PRKG2: variants seen among roughly 807,000 people sequenced by gnomAD.
PRKG2 encodes the protein protein kinase cGMP-dependent 2, also known as cGMP-dependent protein kinase 2.
PRKG2 carries 33 observed loss-of-function variants against 97.2 expected under a neutral mutation model. The observed-to-expected ratio is 0.34, with a 90% confidence interval of 0.26 to 0.45. The LOEUF (loss-of-function observed/expected upper bound fraction) is 0.45, where lower values mean the gene tolerates loss of function less well. Among genes scored for constraint, PRKG2 ranks in the 20% least tolerant of loss-of-function variants. The pLI, the probability that PRKG2 is intolerant of heterozygous loss-of-function variation, is 1.00. For synonymous variants in PRKG2, 330 were observed against 321.8 expected (o/e 1.03, Z -0.27); for missense variants, 638 against 900.0 (o/e 0.71, Z 3.73).
intron 12 of PRKG2, among the ~76,000 whole-genome samples, chr4:81,139,611 GAA>G (rs11372286): frequency 2.2e-5 from 3 of 136,716 alleles, no homozygotes; most frequent in Non-Finnish European, 3.2e-5. Context: ...ACTAAAAATA[GAA>G]AAAAAAAAAA....
At chr4:81,100,436 C>G (rs1001574483) in intron 17 of PRKG2, among the ~76,000 whole-genome samples, 1 of 152,234 alleles carries the variant, frequency 6.6e-6, no homozygotes, top group Non-Finnish European at 1.5e-5. Flanking sequence ...TGATCTTTGA[C>G]AAACCTGACA....
rs747584798 is a variant in PRKG2, at chr4:81,142,983, C to G, written c.1254-36G>C. The G allele has an allele frequency of 3.2e-6, 5 of 1,550,624 alleles. No homozygotes were observed. The Admixed American group carries it at 8.8e-5, about 27-fold the overall frequency. On this transcript the variant is annotated intron_variant, in intron 10 of 18. Coordinates refer to ENST00000264399, the MANE Select transcript of PRKG2 (RefSeq NM_006259.3). ...GAAGTGAAACTTTACACACACACAC[C>G]CATAATTAAGAAGGTGTCATGCCAT...
intron 6 of PRKG2, among the ~76,000 whole-genome samples, chr4:81,154,469 C>G (rs907078687): frequency 3.3e-5 from 5 of 149,756 alleles, no homozygotes; most frequent in South Asian, 2.1e-4. Flanking sequence ...ACCCTGACCC[C>G]CGAGCAGCCT....
intron 5 of PRKG2, among the ~76,000 whole-genome samples, chr4:81,168,536 T>C (rs1410391040): frequency 6.6e-6 from 1 of 152,076 alleles, no homozygotes; most frequent in Non-Finnish European, 1.5e-5. Flanking sequence ...AGGTACCTCT[T>C]TTTGGCCCTT....
intron 14 of PRKG2, among the ~76,000 whole-genome samples, 153 bp from the exon 15 acceptor site, chr4:81,110,764 G>GAGAGAGAGACAGACAGACAGAC (rs1553919021): frequency 6.8e-6 from 1 of 146,222 alleles, no homozygotes; most frequent in Non-Finnish European, 1.5e-5. Flanking sequence ...GAGAGAGAGA[G>GAGAGAGAGACAGACAGACAGAC]AGACAGACAG....
chr4:81,153,817 G>A (rs146371320), intron 6 of PRKG2, 96 bp from the exon 7 acceptor site: 14 of 819,660 alleles, frequency 1.7e-5, no homozygotes, highest in Non-Finnish European at 2.4e-5. Context: ...CGTGAGCGGC[G>A]CAGAAGACGG....
chr4:81,131,675 G>A (rs181666807), intron 14 of PRKG2, among the ~76,000 whole-genome samples: 11 of 152,250 alleles, frequency 7.2e-5, no homozygotes, highest in African/African-American at 2.6e-4. Context: ...TATATGGTTT[G>A]TGGTGGGATT....
intron 12 of PRKG2, among the ~76,000 whole-genome samples, chr4:81,137,822 C>T (rs936280462): frequency 2.0e-5 from 3 of 152,220 alleles, no homozygotes; most frequent in Non-Finnish European, 4.4e-5. Context: ...TATGTCCTCT[C>T]CTTTTTCCAA....
At chr4:81,153,754 G>T in intron 6 of PRKG2, 33 bp from the exon 7 acceptor site, 1 of 1,520,786 alleles carries the variant, frequency 6.6e-7, no homozygotes. Context: ...AAATGTAAGA[G>T]CGGGTGGAGC....
chr4:81,216,580 C>T (rs1174781713), upstream of PRKG2, among the ~76,000 whole-genome samples: 1 of 152,108 alleles, frequency 6.6e-6, no homozygotes, highest in Non-Finnish European at 1.5e-5. Flanking sequence ...AGTCGCATTA[C>T]ACGGACATAA....
chr4:81,170,989 T>G (rs1750422998), intron 4 of PRKG2, among the ~76,000 whole-genome samples: 1 of 151,908 alleles, frequency 6.6e-6, no homozygotes, highest in Non-Finnish European at 1.5e-5. Flanking sequence ...CAAACCTTTT[T>G]ATTTTTATTT....
intron 2 of PRKG2, among the ~76,000 whole-genome samples, chr4:81,191,400 A>G (rs551482548): frequency 6.6e-6 from 1 of 152,190 alleles, no homozygotes; most frequent in Admixed American, 6.5e-5. Flanking sequence ...ACATGGACTC[A>G]GGGAGGGGAA....
At chr4:81,150,085 G>T (rs1216787111) in intron 8 of PRKG2, among the ~76,000 whole-genome samples, 1 of 152,150 alleles carries the variant, frequency 6.6e-6, no homozygotes, top group Non-Finnish European at 1.5e-5. Context: ...TAGAGGTAGA[G>T]ATAGAGATAG....
intron 17 of PRKG2, among the ~76,000 whole-genome samples, chr4:81,100,373 C>T (rs1742614691): frequency 6.6e-6 from 1 of 152,076 alleles, no homozygotes; most frequent in Non-Finnish European, 1.5e-5. Context: ...GAGATGCAGA[C>T]CAATGGAACA....
intron 2 of PRKG2, among the ~76,000 whole-genome samples, chr4:81,186,180 C>T (rs943132103): frequency 2.6e-5 from 4 of 152,112 alleles, no homozygotes; most frequent in East Asian, 1.9e-4. Context: ...TTCTTCTCAG[C>T]GCCACACCAC....
chr4:81,135,164 G>A lies in PRKG2; in HGVS notation c.1767C>T (p.Tyr589=), dbSNP rs185823768. Residue 589 remains tyrosine, a synonymous_variant, in exon 14 of 19, where the codon TAC becomes TAT. Transcript: ENST00000264399. ...PENLILDAEG[Y]LKLVDFGFAK... The stretch of plus-strand genomic sequence containing the variant: ...AGAAAAGTTGTCTTACCAATTTAAG[G>A]TAACCCTCAGCATCTAGAATTAAGT... The A allele has an allele frequency of 2.5e-6, 4 of 1,603,732 alleles. No individual in the cohort carries two copies. The East Asian group carries it at 6.8e-5, about 27-fold the overall frequency.
intron 12 of PRKG2, 22 bp from the exon 13 acceptor site, chr4:81,137,504 T>A (rs763372395): frequency 1.3e-6 from 2 of 1,552,950 alleles, no homozygotes; most frequent in African/African-American, 1.4e-5. Context: ...GATAAAAACA[T>A]GGTTATTATT....
At chr4:81,164,654 C>A (rs1265270890) in intron 6 of PRKG2, among the ~76,000 whole-genome samples, 1 of 142,604 alleles carries the variant, frequency 7.0e-6, no homozygotes, top group Non-Finnish European at 1.6e-5. Flanking sequence ...ATCTGGGGGC[C>A]CCAACTTGAG....
intron 3 of PRKG2, 143 bp downstream of exon 3, chr4:81,174,650 A>T: frequency 1.3e-6 from 1 of 769,764 alleles, no homozygotes. Context: ...TCATGATTAG[A>T]TCAACAATTT....
Sources: gnomAD v4.1 joint callset for allele counts (sites outside exome capture counted in the v4.1 genomes callset) on GRCh38, gnomAD v4.1.1 for gene constraint, MANE v1.5 for transcripts, NCBI Gene and HGNC (gene_info 2026-07-23, HGNC 2026-07-21) for gene names.